The following SMG6 variants were observed in gnomAD, a reference collection of about 807,000 sequenced individuals.
SMG6 encodes SMG6 nonsense mediated mRNA decay factor, also known as telomerase-binding protein EST1A.
In SMG6, 66 loss-of-function variants were observed where a neutral mutation model predicts 142.2. The ratio of observed to expected loss-of-function variants is 0.46; its 90% CI spans 0.38 to 0.57. The LOEUF (loss-of-function observed/expected upper bound fraction) is 0.57, where lower values mean the gene tolerates loss of function less well. Among genes scored for constraint, SMG6 ranks in the 20% least tolerant of loss-of-function variants. SMG6 has a pLI of 0.00. For missense variants in SMG6, 1,793 were observed against 1,832.0 expected (o/e 0.98, Z 0.39); for synonymous variants, 779 against 702.4 (o/e 1.11, Z -1.72).
At chr17:2,204,543 G>A (rs1597594470) in intron 10 of SMG6, among the ~76,000 whole-genome samples, 1 of 152,294 alleles carries the variant, frequency 6.6e-6, no homozygotes, top group Non-Finnish European at 1.5e-5. Flanking sequence ...AGAATAATAA[G>A]CTAGATAAAG....
intron 12 of SMG6, among the ~76,000 whole-genome samples, chr17:2,177,065 G>A (rs892962629): frequency 6.6e-6 from 1 of 152,124 alleles, no homozygotes; most frequent in African/African-American, 2.4e-5. Flanking sequence ...GTTGTTTGGG[G>A]GATATTGACT....
At chr17:2,265,427 T>C (rs549334031) in intron 8 of SMG6, among the ~76,000 whole-genome samples, 3 of 152,048 alleles carry the variant, frequency 2.0e-5, no homozygotes, top group Admixed American at 6.5e-5. Context: ...GGAGAAACGC[T>C]TGAACCTGGG....
chr17:2,273,284 G>A (rs954886748), intron 8 of SMG6, among the ~76,000 whole-genome samples: 1 of 152,228 alleles, frequency 6.6e-6, no homozygotes, highest in African/African-American at 2.4e-5. Flanking sequence ...GGAAGGCTGA[G>A]GTGGGCGGAT....
At chr17:2,172,935 C>T (rs1567657658) in intron 12 of SMG6, 76 bp from the exon 13 acceptor site, 1 of 1,366,448 alleles carries the variant, frequency 7.3e-7, no homozygotes, top group South Asian at 1.2e-5. Flanking sequence ...TATTTGTGAG[C>T]AGGGAAGTAC....
intron 13 of SMG6, among the ~76,000 whole-genome samples, chr17:2,149,115 C>T (rs992115241): frequency 2.6e-5 from 4 of 151,806 alleles, no homozygotes; most frequent in Non-Finnish European, 4.4e-5. Flanking sequence ...TTTGGGAGGC[C>T]GGGGAGAGTG....
At chr17:2,145,259 G>T (rs1008190798) in intron 13 of SMG6, among the ~76,000 whole-genome samples, 1 of 151,410 alleles carries the variant, frequency 6.6e-6, no homozygotes, top group Admixed American at 6.6e-5. Context: ...GACTACAGGC[G>T]TGTGCCACCA....
intron 13 of SMG6, among the ~76,000 whole-genome samples, chr17:2,103,335 T>C (rs1204329837): frequency 1.3e-5 from 2 of 152,140 alleles, no homozygotes; most frequent in African/African-American, 4.8e-5. Flanking sequence ...GAATGCGAAC[T>C]AACAGTGAGA....
At chr17:2,100,054 T>C (rs2068963366) in intron 13 of SMG6, among the ~76,000 whole-genome samples, 21 of 150,234 alleles carry the variant, frequency 1.4e-4, no homozygotes, top group East Asian at 1.9e-4. Flanking sequence ...TTTTTTTTTT[T>C]CGAGACAGTG....
intron 8 of SMG6, among the ~76,000 whole-genome samples, chr17:2,264,362 C>G (rs939878316): frequency 3.9e-5 from 6 of 152,208 alleles, no homozygotes; most frequent in African/African-American, 1.2e-4. Flanking sequence ...GTCGGGATAT[C>G]AGGTTATTCA....
At chr17:2,254,217 C>T (rs905675211) in intron 8 of SMG6, among the ~76,000 whole-genome samples, 2 of 152,240 alleles carry the variant, frequency 1.3e-5, no homozygotes, top group Non-Finnish European at 2.9e-5. Flanking sequence ...AGCTAGGACA[C>T]GCTGTGTCTG....
At chr17:2,132,098 T>G (rs1289733910) in intron 13 of SMG6, among the ~76,000 whole-genome samples, 1 of 151,906 alleles carries the variant, frequency 6.6e-6, no homozygotes, top group Non-Finnish European at 1.5e-5. Context: ...AAAAGGAACT[T>G]TTGAACTCGA....
At chr17:2,087,915 C>T in intron 13 of SMG6, 1 of 985,830 alleles carries the variant, frequency 1.0e-6, no homozygotes, top group African/African-American at 1.7e-5. Context: ...CACCTGACCC[C>T]ACTATGACCT....
chr17:2,133,090 C>A (rs2070177702), intron 13 of SMG6, among the ~76,000 whole-genome samples: 2 of 151,796 alleles, frequency 1.3e-5, no homozygotes, highest in African/African-American at 4.8e-5. Context: ...ACTAAAAATA[C>A]AAAAATTAGC....
At chr17:2,267,669 T>C (rs2064054833) in intron 8 of SMG6, among the ~76,000 whole-genome samples, 1 of 151,998 alleles carries the variant, frequency 6.6e-6, no homozygotes, top group Non-Finnish European at 1.5e-5. Flanking sequence ...TCAGTGCTTG[T>C]GCTATCCAGA....
intron 10 of SMG6, among the ~76,000 whole-genome samples, chr17:2,199,577 A>G (rs2072447911): frequency 6.6e-6 from 1 of 151,576 alleles, no homozygotes; most frequent in Admixed American, 6.6e-5. Flanking sequence ...AAATAAATAA[A>G]TAAAAATAAA....
intron 14 of SMG6, chr17:2,082,180 C>T: frequency 1.8e-6 from 1 of 551,058 alleles, no homozygotes; most frequent in Non-Finnish European, 3.3e-6. Context: ...TGGGGCTTTT[C>T]CCTCAGAGAG....
intron 13 of SMG6, among the ~76,000 whole-genome samples, chr17:2,152,714 G>A (rs1163281340): frequency 2.6e-5 from 4 of 152,180 alleles, no homozygotes; most frequent in Admixed American, 2.0e-4. Flanking sequence ...GCCAGAACAG[G>A]AACTGCTCGT....
chr17:2,159,880 C>T (rs536297536), intron 13 of SMG6, among the ~76,000 whole-genome samples: 6 of 152,232 alleles, frequency 3.9e-5, no homozygotes, highest in African/African-American at 1.2e-4. Context: ...GAATCTCAGA[C>T]GTTATGCTGA....
intron 6 of SMG6, among the ~76,000 whole-genome samples, chr17:2,287,684 T>C (rs2074937491): frequency 6.6e-6 from 1 of 152,146 alleles, no homozygotes; most frequent in African/African-American, 2.4e-5. Flanking sequence ...ATATAAAATG[T>C]GGTATATATA....
Sources: gnomAD v4.1 joint callset for allele counts (sites outside exome capture counted in the v4.1 genomes callset) on GRCh38, gnomAD v4.1.1 for gene constraint, MANE v1.5 for transcripts, NCBI Gene and HGNC (gene_info 2026-07-23, HGNC 2026-07-21) for gene names.